HTR2C: variants seen among roughly 807,000 people sequenced by gnomAD.
The protein encoded by HTR2C is 5-hydroxytryptamine receptor 2C.
HTR2C carries 5 observed loss-of-function variants against 21.0 expected under a neutral mutation model. The ratio of observed to expected loss-of-function variants is 0.24; its 90% CI spans 0.12 to 0.50. The LOEUF (loss-of-function observed/expected upper bound fraction) is 0.50, where lower values mean the gene tolerates loss of function less well. Among genes scored for constraint, HTR2C ranks in the 20% least tolerant of loss-of-function variants. The pLI, the probability that HTR2C is intolerant of heterozygous loss-of-function variation, is 0.98. For synonymous variants in HTR2C, 150 were observed against 145.3 expected (o/e 1.03, Z -0.23); for missense variants, 271 against 371.2 (o/e 0.73, Z 2.22).
At chrX:114,593,691 ACT>A (rs1252547012) in intron 1 of HTR2C, among the ~76,000 whole-genome samples, 1 of 7,968 alleles carries the variant, frequency 1.3e-4, no homozygotes, top group African/African-American at 3.9e-4. Context: ...TTTGGAGTTA[ACT>A]AGAACCTAAG....
At chrX:114,600,369 G>A (rs1310604345) in intron 1 of HTR2C, among the ~76,000 whole-genome samples, 2 of 112,035 alleles carry the variant, frequency 1.8e-5, no homozygotes, top group Non-Finnish European at 3.8e-5. Flanking sequence ...CATTTACAAT[G>A]TTTTCAAGGA....
At chrX:114,743,668 A>G (rs781869989) in intron 4 of HTR2C, among the ~76,000 whole-genome samples, 5 of 111,434 alleles carry the variant, frequency 4.5e-5, no homozygotes, top group African/African-American at 1.6e-4. Flanking sequence ...CCAAAGGGAG[A>G]GGAGAAAAAG....
Position 114,712,991 on chromosome X carries a change from C to T in HTR2C, c.-79-13867C>T, listed in dbSNP as rs73638463. ...ATGTATAAAATGCTAAAAATAAAAA[C>T]TGGATTGAGTATAAAATAATGAAGT... On this transcript the variant is annotated intron_variant, in intron 2 of 5. Transcript: ENST00000276198. Among the ~76,000 whole-genome samples the T allele has an allele frequency of 8.6e-3, 962 of 111,708 alleles. 15 individuals carry two copies. The highest frequency in any genetic ancestry group is 0.029 in the African/African-American group (901 of 30,873).
chrX:114,630,463 C>G (rs1432449110), intron 2 of HTR2C, among the ~76,000 whole-genome samples: 1 of 111,872 alleles, frequency 8.9e-6, no homozygotes, highest in Non-Finnish European at 1.9e-5. Flanking sequence ...GTGGACTAGA[C>G]TCTTTGCAAG....
Position 114,602,695 on chromosome X carries a change from T to C in HTR2C, c.-146-11120T>C, listed in dbSNP as rs1465769713. ...TCTGACAGAAGGGAAGAAATGACTG[T>C]GGTGGCCTTCCCAGACCCTGTAGGA... On this transcript the variant is annotated intron_variant, in intron 1 of 5. Coordinates refer to ENST00000276198, the MANE Select transcript of HTR2C (RefSeq NM_000868.4). Among the ~76,000 whole-genome samples, 85 of 40,815 alleles carry C rather than the reference T, an allele frequency of 2.1e-3. 2 individuals are homozygous for C. The highest frequency in any genetic ancestry group is 4.5e-3 in the South Asian group (3 of 660). 35.4% of individuals were successfully genotyped at this position (40,815 alleles called of 115,157 possible). A position where few individuals can be genotyped will look rare whatever the true frequency, so the allele number is the denominator to read the frequency against.
intron 2 of HTR2C, among the ~76,000 whole-genome samples, chrX:114,692,846 G>T (rs868914516): frequency 9.0e-6 from 1 of 111,488 alleles, no homozygotes; most frequent in South Asian, 3.7e-4. Context: ...GAAAGCCAAT[G>T]GCTCACAGAA....
intron 4 of HTR2C, among the ~76,000 whole-genome samples, chrX:114,827,796 C>T (rs1556459040): frequency 9.0e-6 from 1 of 111,246 alleles, no homozygotes; most frequent in East Asian, 2.8e-4. Flanking sequence ...TTCTTTCAGG[C>T]TTTTAAATTT....
At chrX:114,841,687 G>A (rs910572268) in intron 4 of HTR2C, among the ~76,000 whole-genome samples, 12 of 109,924 alleles carry the variant, frequency 1.1e-4, no homozygotes, top group Non-Finnish European at 1.9e-4. Context: ...CTTGCAGTGA[G>A]GGGAGATTGC....
In HTR2C at chrX:114,832,503, C is replaced by G. The variant is rs1201880669; in HGVS notation, c.350-15500C>G. 1.6e-3 allele frequency among the ~76,000 whole-genome samples: 49 copies of G among 30,526 alleles called. 7 individuals carry two copies. The highest frequency in any genetic ancestry group is 3.9e-3 in the South Asian group (1 of 258). 26.5% of individuals were successfully genotyped at this position (30,526 alleles called of 115,157 possible). On this transcript the variant is annotated intron_variant, in intron 4 of 5. Coordinates refer to ENST00000276198, the MANE Select transcript of HTR2C (RefSeq NM_000868.4). ...ACTCATGATTTGTCTCTCTGTTTGT[C>G]TGTTGTTGGTGTATAAGAATGCTTG... is the stretch of plus-strand genomic sequence containing the variant.
intron 4 of HTR2C, among the ~76,000 whole-genome samples, chrX:114,830,761 A>G (rs1340959331): frequency 4.9e-5 from 5 of 102,954 alleles, no homozygotes; most frequent in African/African-American, 1.4e-4. Context: ...TTAGTTACAT[A>G]TGTATACATG....
intron 1 of HTR2C, among the ~76,000 whole-genome samples, chrX:114,589,062 G>A (rs1014552904): frequency 1.8e-5 from 2 of 112,239 alleles, no homozygotes; most frequent in African/African-American, 3.2e-5. Context: ...TCCAGAGGCC[G>A]TGGTGTTAAA....
intron 2 of HTR2C, among the ~76,000 whole-genome samples, chrX:114,704,198 A>T (rs1203159713): frequency 1.8e-5 from 2 of 111,833 alleles, no homozygotes; most frequent in Non-Finnish European, 3.8e-5. Flanking sequence ...AATCCTCCCA[A>T]ACTCATTTGA....
At chrX:114,811,373 A>G (rs2070529845) in intron 4 of HTR2C, among the ~76,000 whole-genome samples, 1 of 111,316 alleles carries the variant, frequency 9.0e-6, no homozygotes, top group Non-Finnish European at 1.9e-5. Context: ...TGTTTATAGA[A>G]TGCTGTAAAG....
intron 5 of HTR2C, among the ~76,000 whole-genome samples, chrX:114,888,410 T>C (rs782683552): frequency 1.8e-5 from 2 of 111,859 alleles, no homozygotes; most frequent in Admixed American, 1.9e-4. Context: ...TGAGTAGAGA[T>C]CAAGTAGAAA....
chrX:114,638,307 TA>T (rs1260590002), intron 2 of HTR2C, among the ~76,000 whole-genome samples: 2 of 111,146 alleles, frequency 1.8e-5, no homozygotes, highest in Non-Finnish European at 3.8e-5. Flanking sequence ...TCATTTTTAA[TA>T]CCTTCAAACA....
At chrX:114,822,675 G>C (rs1228225266) in intron 4 of HTR2C, among the ~76,000 whole-genome samples, 1 of 111,948 alleles carries the variant, frequency 8.9e-6, no homozygotes, top group Non-Finnish European at 1.9e-5. Flanking sequence ...AGGAAAGATG[G>C]GTTGTGAGAC....
At chrX:114,895,975 T>G (rs2071294180) in intron 5 of HTR2C, among the ~76,000 whole-genome samples, 1 of 105,457 alleles carries the variant, frequency 9.5e-6, no homozygotes. Flanking sequence ...GGCAACAGAG[T>G]GAGACTCTGT....
chrX:114,643,974 GTAAA>G lies in HTR2C; in HGVS notation c.-80+30096_-80+30099del, dbSNP rs782432124. On this transcript the variant is annotated intron_variant, in intron 2 of 5. Transcript: ENST00000276198. ...TTTGGGAACTTGTGTGTTTGCCTAA[GTAAA>G]TAGAGTGTTCAAAGATTGATGTAGC... Among the ~76,000 whole-genome samples, 11 of 110,942 alleles carry G rather than the reference GTAAA, an allele frequency of 9.9e-5. No homozygotes were observed. The South Asian group carries it at 4.2e-3, about 42-fold the overall frequency.
chrX:114,761,936 TGTGTATATATAC>T (rs2069877051), intron 4 of HTR2C, among the ~76,000 whole-genome samples: 2 of 109,577 alleles, frequency 1.8e-5, no homozygotes, highest in Non-Finnish European at 3.8e-5. Flanking sequence ...TATACATATA[TGTGTATATATAC>T]GTGTATATAT....
Sources: gnomAD v4.1 joint callset for allele counts (sites outside exome capture counted in the v4.1 genomes callset) on GRCh38, gnomAD v4.1.1 for gene constraint, MANE v1.5 for transcripts, NCBI Gene and HGNC (gene_info 2026-07-23, HGNC 2026-07-21) for gene names.